The following DNAH6 variants were observed in gnomAD, a reference collection of about 807,000 sequenced individuals.
The protein encoded by DNAH6 is axonemal beta dynein heavy chain 6.
In DNAH6, 340 loss-of-function variants were observed where a neutral mutation model predicts 491.4. That is an observed-to-expected ratio of 0.69 (90% CI 0.63 to 0.76). DNAH6 has a LOEUF of 0.76. Among genes scored for constraint, DNAH6 ranks in the 30% least tolerant of loss-of-function variants. The pLI is 0.00. For missense variants in DNAH6, 4,443 were observed against 4,972.2 expected (o/e 0.89, Z 3.20); for synonymous variants, 1,603 against 1,686.1 (o/e 0.95, Z 1.21).
chr2:84,558,400 G>T (rs1453636315), intron 11 of DNAH6, among the ~76,000 whole-genome samples: 1 of 150,448 alleles, frequency 6.6e-6, no homozygotes, highest in Non-Finnish European at 1.5e-5. Flanking sequence ...CTCCAGCCTA[G>T]GTGACAGAGC....
At chr2:84,728,937 G>T (rs550937684) in intron 61 of DNAH6, among the ~76,000 whole-genome samples, 4 of 151,998 alleles carry the variant, frequency 2.6e-5, no homozygotes, top group South Asian at 2.1e-4. Context: ...CCTGTCCTTG[G>T]CCCCTGCAGA....
chr2:84,629,846 C>T (rs914570822), intron 29 of DNAH6, among the ~76,000 whole-genome samples: 3 of 151,998 alleles, frequency 2.0e-5, no homozygotes, highest in Non-Finnish European at 4.4e-5. Flanking sequence ...AACAAAATAC[C>T]AAAAATTGAT....
At chr2:84,619,625 T>A in intron 23 of DNAH6, 60 bp from the exon 24 acceptor site, 1 of 1,434,956 alleles carries the variant, frequency 7.0e-7, no homozygotes. Context: ...TTATCTTTTA[T>A]GTCTGTCTAA....
chr2:84,725,665 G>T (rs1698558795), intron 60 of DNAH6, among the ~76,000 whole-genome samples: 1 of 152,224 alleles, frequency 6.6e-6, no homozygotes, highest in African/African-American at 2.4e-5. Flanking sequence ...AAGTAAAAGT[G>T]ATATAGGATG....
chr2:84,701,352 T>A lies in DNAH6; in HGVS notation c.8061+13T>A. On this transcript the variant is annotated intron_variant, in intron 49 of 76. Transcript: ENST00000389394. Reference sequence around the variant, plus strand: ...GCAGATTATTTCAGTAGGTTCAATATTATCCATGAAAATATTGTTTTGCTT... The same window carrying A: ...GCAGATTATTTCAGTAGGTTCAATAATATCCATGAAAATATTGTTTTGCTT... The A allele has an allele frequency of 1.9e-6, 3 of 1,538,754 alleles. No homozygotes were observed.
intron 46 of DNAH6, among the ~76,000 whole-genome samples, chr2:84,695,806 C>G (rs1695326967): frequency 6.6e-6 from 1 of 152,012 alleles, no homozygotes; most frequent in South Asian, 2.1e-4. Flanking sequence ...GTGCTTTTAA[C>G]ATTGCTTTTA....
intron 26 of DNAH6, among the ~76,000 whole-genome samples, chr2:84,622,305 T>G (rs1352537950): frequency 6.6e-6 from 1 of 152,204 alleles, no homozygotes. Flanking sequence ...AATATTTCAT[T>G]GTATGTGTAT....
the DNAH6 span, among the ~76,000 whole-genome samples, chr2:84,461,921 A>C: frequency 2.0e-5 from 3 of 152,142 alleles, no homozygotes; most frequent in Non-Finnish European, 4.4e-5. Flanking sequence ...TCACCCCCAC[A>C]TCCCAGCCGG....
intron 11 of DNAH6, among the ~76,000 whole-genome samples, chr2:84,570,868 G>A (rs1681757850): frequency 6.6e-6 from 1 of 152,166 alleles, no homozygotes. Context: ...ACCTTTAAGA[G>A]CTGTAACACT....
chr2:84,694,252 T>G lies in DNAH6; in HGVS notation c.7296T>G (p.Ile2432Met). The change falls in exon 46 of 77, where the codon ATT becomes ATG. Residue 2432 changes from isoleucine (I) to methionine (M), a missense_variant. Around this residue, in one of 3 missense-constraint regions of DNAH6, gnomAD observed 2,977 missense variants for 3,296.6 expected, o/e 0.90. Coordinates refer to ENST00000389394, the MANE Select transcript of DNAH6 (RefSeq NM_001370.2). ...CCCTCTGCTCTGATGTTTGCAGGAT[T>G]GCTCGGATGATACGTCAAGAAAGAG... ...FQDAIEHVSRIARMIRQERGN... is the reference protein window; with the variant it reads ...FQDAIEHVSRMARMIRQERGN... 6.4e-7 allele frequency: 1 copy of G among 1,551,798 alleles called. No individual in the cohort carries two copies. The highest frequency in any genetic ancestry group is 8.7e-7 in the Non-Finnish European group (1 of 1,146,906).
intron 57 of DNAH6, among the ~76,000 whole-genome samples, chr2:84,715,016 A>G (rs1186237620): frequency 6.6e-6 from 1 of 151,962 alleles, no homozygotes; most frequent in Non-Finnish European, 1.5e-5. Flanking sequence ...TTCTCATTAA[A>G]ATGTTATTAG....
intron 74 of DNAH6, 112 bp downstream of exon 74, chr2:84,813,242 T>G: frequency 1.3e-6 from 1 of 786,960 alleles, no homozygotes; most frequent in Non-Finnish European, 2.1e-6. Flanking sequence ...AATGAGGCTA[T>G]TGATCATAGG....
At chr2:84,776,143 A>T (rs1004691129) in intron 64 of DNAH6, among the ~76,000 whole-genome samples, 1 of 152,240 alleles carries the variant, frequency 6.6e-6, no homozygotes, top group Non-Finnish European at 1.5e-5. Flanking sequence ...TGCACAAGAC[A>T]TACGATACTG....
intron 63 of DNAH6, among the ~76,000 whole-genome samples, chr2:84,754,181 T>C (rs1673768326): frequency 6.6e-6 from 1 of 151,318 alleles, no homozygotes; most frequent in Non-Finnish European, 1.5e-5. Flanking sequence ...TTCTTTTTTT[T>C]TCTTTTCTTT....
At chr2:84,521,459 AG>A (rs1302337647) in intron 2 of DNAH6, among the ~76,000 whole-genome samples, 9 of 152,254 alleles carry the variant, frequency 5.9e-5, no homozygotes, top group African/African-American at 1.9e-4. Flanking sequence ...TTAGCTATGC[AG>A]AAGTTCTTAA....
At chr2:84,608,353 A>T (rs1685982631) in intron 21 of DNAH6, among the ~76,000 whole-genome samples, 3 of 110,972 alleles carry the variant, frequency 2.7e-5, no homozygotes, top group South Asian at 2.9e-4. Flanking sequence ...TCCCGGATCC[A>T]TCAGAGGAAT....
intron 19 of DNAH6, 143 bp from the exon 20 acceptor site, chr2:84,605,352 CAAAAA>C (rs5832617): frequency 2.3e-3 from 787 of 335,736 alleles, no homozygotes; most frequent in South Asian, 3.0e-3. Context: ...GACTCTATCT[CAAAAA>C]AAAAAAAAAA....
At chr2:84,819,230 C>A in intron 76 of DNAH6, 75 bp from the exon 77 acceptor site, 1 of 1,107,210 alleles carries the variant, frequency 9.0e-7, no homozygotes, top group South Asian at 1.5e-5. Flanking sequence ...TGTCTTGACT[C>A]TTTGTAGCCT....
Position 84,613,532 on chromosome 2 carries a change from G to A in DNAH6, c.3475+1678G>A, listed in dbSNP as rs530348796. Reference sequence around the variant, plus strand: ...CTATGATAAGCACCAAAACTACAAAGATAATCAAGACATGGATCTTATCCC... The same window carrying A: ...CTATGATAAGCACCAAAACTACAAAAATAATCAAGACATGGATCTTATCCC... On this transcript the variant is annotated intron_variant, in intron 22 of 76. Coordinates refer to ENST00000389394, the MANE Select transcript of DNAH6 (RefSeq NM_001370.2). Among the ~76,000 whole-genome samples the A allele has an allele frequency of 6.6e-5, 10 of 152,208 alleles. No homozygotes were observed. The South Asian group carries it at 2.1e-3, about 32-fold the overall frequency.
Sources: allele counts gnomAD v4.1 joint callset (sites outside exome capture counted in the v4.1 genomes callset), GRCh38; gene constraint gnomAD v4.1.1; regional missense constraint gnomAD v4.1.1; transcripts MANE v1.5; gene names NCBI Gene and HGNC (gene_info 2026-07-23, HGNC 2026-07-21).